LRP1B: variants seen among roughly 807,000 people sequenced by gnomAD.
LRP1B encodes low-density lipoprotein receptor-related protein 1B.
Under a neutral mutation model 556.6 loss-of-function variants are expected in LRP1B, and 217 were observed. The observed-to-expected ratio is 0.39, with a 90% CI of 0.35 to 0.44. The LOEUF (loss-of-function observed/expected upper bound fraction) is 0.44. Ranked by LOEUF, LRP1B falls within the 20% of genes least tolerant of loss-of-function variation. The pLI, the probability that LRP1B is intolerant of heterozygous loss-of-function variation, is 1.00. For missense variants in LRP1B, 5,053 were observed against 5,620.8 expected (o/e 0.90, Z 3.23); for synonymous variants, 2,047 against 1,865.8 (o/e 1.10, Z -2.50).
intron 1 of LRP1B, among the ~76,000 whole-genome samples, chr2:141,908,683 C>T (rs924245171): frequency 3.3e-5 from 5 of 151,962 alleles, no homozygotes; most frequent in African/African-American, 9.7e-5. Flanking sequence ...ATAATATCCT[C>T]TAAGTAAATT....
At chr2:141,058,813 C>G in intron 9 of LRP1B, 70 bp downstream of exon 9, 1 of 1,326,858 alleles carries the variant, frequency 7.5e-7, no homozygotes, top group Non-Finnish European at 1.0e-6. Context: ...CAACACCATA[C>G]AAAAGCACAA....
chr2:141,504,990 A>G lies in LRP1B; in HGVS notation c.206-24457T>C, dbSNP rs568340052. On this transcript the variant is annotated intron_variant, in intron 2 of 90. Coordinates refer to ENST00000389484, the MANE Select transcript of LRP1B (RefSeq NM_018557.3). ...CCATCCTCACAGAAAGTTTTACTGG[A>G]CAGTGTTACATTAGATCAAAGGTTT... Among the ~76,000 whole-genome samples, 26 of 152,202 alleles carry G rather than the reference A, an allele frequency of 1.7e-4. No homozygotes were observed. The East Asian group carries it at 5.0e-3, about 29-fold the overall frequency.
chr2:140,540,929 T>G (rs546704562), intron 45 of LRP1B, 44 bp downstream of exon 45: 36 of 1,584,394 alleles, frequency 2.3e-5, no homozygotes, highest in Middle Eastern at 3.4e-4. Flanking sequence ...TGTGTGGAAT[T>G]TGGAACAGAT....
intron 14 of LRP1B, among the ~76,000 whole-genome samples, chr2:141,010,518 A>G (rs1697709254): frequency 6.6e-6 from 1 of 151,676 alleles, no homozygotes; most frequent in Non-Finnish European, 1.5e-5. Context: ...TAATTTGACA[A>G]GTCTCTTTTT....
intron 41 of LRP1B, among the ~76,000 whole-genome samples, chr2:140,671,446 G>C (rs546673905): frequency 6.6e-6 from 1 of 152,160 alleles, no homozygotes; most frequent in Non-Finnish European, 1.5e-5. Flanking sequence ...TCGTGAATCC[G>C]AGAGGCAGAG....
chr2:141,729,296 C>G (rs1333654559), intron 2 of LRP1B, among the ~76,000 whole-genome samples: 1 of 150,392 alleles, frequency 6.6e-6, no homozygotes, highest in Non-Finnish European at 1.5e-5. Flanking sequence ...AATGCTTATG[C>G]TATGCTATTC....
chr2:140,392,793 T>C (rs1002792022), intron 66 of LRP1B, among the ~76,000 whole-genome samples: 17 of 152,318 alleles, frequency 1.1e-4, no homozygotes, highest in African/African-American at 3.8e-4. Context: ...TCTGTGAATT[T>C]AAGGATGTTT....
At chr2:141,960,169 A>C (rs1338023613) in intron 1 of LRP1B, among the ~76,000 whole-genome samples, 2 of 151,716 alleles carry the variant, frequency 1.3e-5, no homozygotes, top group Non-Finnish European at 2.9e-5. Flanking sequence ...GTATGGAGAT[A>C]GCTTGTAATT....
intron 66 of LRP1B, among the ~76,000 whole-genome samples, chr2:140,386,283 A>C (rs1035170327): frequency 1.3e-5 from 2 of 152,204 alleles, no homozygotes; most frequent in African/African-American, 4.8e-5. Flanking sequence ...TTTTTAAAAA[A>C]TCAAAATTGG....
intron 41 of LRP1B, among the ~76,000 whole-genome samples, chr2:140,629,089 T>G (rs1398460719): frequency 6.6e-6 from 1 of 152,156 alleles, no homozygotes; most frequent in African/African-American, 2.4e-5. Flanking sequence ...GGTCTCACTC[T>G]GTCACCCAAG....
intron 41 of LRP1B, among the ~76,000 whole-genome samples, chr2:140,651,747 G>T (rs1684696560): frequency 6.6e-6 from 1 of 152,050 alleles, no homozygotes; most frequent in African/African-American, 2.4e-5. Context: ...CTGAGTATTA[G>T]ATTAGGAGAC....
At chr2:142,086,632 C>CA (rs1267273158) in intron 1 of LRP1B, among the ~76,000 whole-genome samples, 1,118 of 28,814 alleles carry the variant, frequency 0.039, 19 homozygotes, top group African/African-American at 0.072. Flanking sequence ...AACAAACAAA[C>CA]AAACAAACAA....
chr2:140,616,811 A>G (rs1404291386), intron 41 of LRP1B, among the ~76,000 whole-genome samples: 1 of 151,918 alleles, frequency 6.6e-6, no homozygotes, highest in Non-Finnish European at 1.5e-5. Context: ...AAAAAAATCA[A>G]TTCTTTTATC....
intron 1 of LRP1B, among the ~76,000 whole-genome samples, chr2:141,819,661 G>T (rs1265719148): frequency 6.6e-6 from 1 of 152,136 alleles, no homozygotes; most frequent in African/African-American, 2.4e-5. Flanking sequence ...CTAGATAGGA[G>T]AAATAATTTC....
At chr2:141,082,024 T>G (rs1283482849) in intron 7 of LRP1B, among the ~76,000 whole-genome samples, 1 of 152,136 alleles carries the variant, frequency 6.6e-6, no homozygotes, top group Non-Finnish European at 1.5e-5. Flanking sequence ...CCTTTTTGTC[T>G]CAATAAAAAT....
At chr2:140,367,486 A>T (rs972562183) in intron 71 of LRP1B, among the ~76,000 whole-genome samples, 4 of 151,696 alleles carry the variant, frequency 2.6e-5, no homozygotes, top group African/African-American at 9.7e-5. Flanking sequence ...ACAATTGAAC[A>T]TCTGTCATTG....
chr2:142,026,328 G>A (rs1048998660), intron 1 of LRP1B, among the ~76,000 whole-genome samples: 5 of 151,900 alleles, frequency 3.3e-5, no homozygotes, highest in African/African-American at 2.4e-5. Flanking sequence ...TATGCATAAC[G>A]ATATGGAGAC....
chr2:141,777,478 C>T (rs542315399), intron 2 of LRP1B, among the ~76,000 whole-genome samples: 289 of 152,014 alleles, frequency 1.9e-3, no homozygotes, highest in Middle Eastern at 3.4e-3. Flanking sequence ...TATGGTGGCG[C>T]AGTCTCGGCT....
In LRP1B at chr2:141,008,889, C is replaced by T. The variant is rs1573976144; in HGVS notation, c.2381-3432G>A. On this transcript the variant is annotated intron_variant, in intron 14 of 90. Coordinates refer to ENST00000389484, the MANE Select transcript of LRP1B (RefSeq NM_018557.3). ...CTTCCAAAGAATGGGAGTAAAGACA[C>T]AAATAATATGTGAAAACATTTCACA... is the stretch of plus-strand genomic sequence containing the variant. Among the ~76,000 whole-genome samples the T allele has an allele frequency of 4.6e-5, 7 of 152,004 alleles. No homozygotes were observed. The South Asian group carries it at 1.5e-3, about 32-fold the overall frequency.
Sources: gnomAD v4.1 joint callset for allele counts (sites outside exome capture counted in the v4.1 genomes callset) on GRCh38, gnomAD v4.1.1 for gene constraint, MANE v1.5 for transcripts, NCBI Gene and HGNC (gene_info 2026-07-23, HGNC 2026-07-21) for gene names.